Variants in PDCD2L observed in about 807,000 individuals in gnomAD.
PDCD2L encodes programmed cell death 2 like.
In PDCD2L, 44 loss-of-function variants were observed where a neutral mutation model predicts 40.4. The observed-to-expected ratio is 1.09, with a 90% CI of 0.86 to 1.40. The LOEUF is 1.40. Ranked by LOEUF, PDCD2L falls within the 40% of genes most tolerant of loss-of-function variation. The pLI is 0.00. For missense variants in PDCD2L, 470 were observed against 453.7 expected (o/e 1.04, Z -0.33); for synonymous variants, 194 against 174.6 (o/e 1.11, Z -0.88).
chr19:34,407,459 C>T (rs2075082056), intron 3 of PDCD2L, among the ~76,000 whole-genome samples: 1 of 152,120 alleles, frequency 6.6e-6, no homozygotes, highest in Admixed American at 6.6e-5. Flanking sequence ...TCTTTAACCA[C>T]CACTCTACTC....
chr19:34,404,864 G>T (rs374816557), intron 2 of PDCD2L, 49 bp downstream of exon 2: 5 of 1,609,012 alleles, frequency 3.1e-6, no homozygotes, highest in Admixed American at 1.7e-5. Flanking sequence ...TTTCCAGCGG[G>T]CTGGGGCGGG....
intron 4 of PDCD2L, among the ~76,000 whole-genome samples, chr19:34,411,766 T>G (rs945009253): frequency 4.0e-5 from 6 of 151,782 alleles, no homozygotes; most frequent in African/African-American, 1.5e-4. Flanking sequence ...ATGATCCTCC[T>G]GCCTCAGCCT....
intron 5 of PDCD2L, among the ~76,000 whole-genome samples, chr19:34,415,962 C>T (rs2075124761): frequency 6.6e-6 from 1 of 152,186 alleles, no homozygotes; most frequent in South Asian, 2.1e-4. Context: ...TCTCTGTCCC[C>T]CAGGCTGGAG....
Position 34,404,915 on chromosome 19 carries a change from G to A in PDCD2L, c.276-15G>A. The A allele has an allele frequency of 1.2e-6, 2 of 1,614,032 alleles. No individual in the cohort carries two copies. Among genetic ancestry groups the A allele is most frequent in the South Asian group, 2.2e-5 (2 of 91,080 alleles). On this transcript the variant is annotated splice_polypyrimidine_tract_variant and intron_variant, in intron 2 of 6. Transcript: ENST00000246535. ...CGGGGTGCAGCCCTCACGGCCCTTT[G>A]TCTTCACCCCGAAGCTGGAAGGTGT...
intron 6 of PDCD2L, among the ~76,000 whole-genome samples, chr19:34,423,476 G>T (rs1261247217): frequency 1.3e-5 from 2 of 149,674 alleles, no homozygotes; most frequent in African/African-American, 4.9e-5. Context: ...GAGCCACCGT[G>T]CCTGGACCCA....
intron 3 of PDCD2L, among the ~76,000 whole-genome samples, chr19:34,407,059 A>G (rs2075079919): frequency 6.9e-6 from 1 of 143,898 alleles, no homozygotes; most frequent in Non-Finnish European, 1.5e-5. Context: ...CTGGTCTTGA[A>G]CTCCTGACCT....
At position 34,421,451 on chromosome 19, in the gene PDCD2L, C is replaced by T. The variant is rs1167272690; in HGVS notation, c.798-68C>T. 5.2e-6 allele frequency: 8 copies of T among 1,552,016 alleles called. No individual in the cohort carries two copies. The East Asian group carries it at 6.8e-5, about 13-fold the overall frequency. On this transcript the variant is annotated intron_variant, in intron 5 of 6. Coordinates refer to ENST00000246535, the MANE Select transcript of PDCD2L (RefSeq NM_032346.2). ...CAAGAAACAAAGAAAGGTTGCAAAG[C>T]ATGGCCTTAGATGCTAGAATGCGAC...
chr19:34,411,907 G>T (rs2075105112), intron 4 of PDCD2L, among the ~76,000 whole-genome samples: 1 of 146,578 alleles, frequency 6.8e-6, no homozygotes, highest in South Asian at 2.1e-4. Flanking sequence ...CACTCTCCTT[G>T]GCCTCCCAAA....
chr19:34,425,337 A>G (rs1219101656), intron 6 of PDCD2L, among the ~76,000 whole-genome samples: 1 of 138,566 alleles, frequency 7.2e-6, no homozygotes, highest in East Asian at 2.1e-4. Context: ...GTCTCGCTCT[A>G]TCACCCGGGC....
Position 34,404,814 on chromosome 19 carries a change from A to G in PDCD2L, c.274A>G (p.Ser92Gly). The G allele has an allele frequency of 6.2e-7, 1 of 1,603,358 alleles. No individual in the cohort carries two copies. Among genetic ancestry groups the G allele is most frequent in the South Asian group, 1.1e-5 (1 of 90,166 alleles). ...CPGCSTGGAR[S>G]WKVFRSQCLQ... ...CGGCTGTAGCACCGGCGGTGCGCGC[A>G]GGTAGGCGGGGAAGTCCCAGAGCTG... The change falls in exon 2 of 7, where the codon AGC becomes GGC. Residue 92 changes from serine to glycine, a missense_variant and splice_region_variant. Ser to Gly is a moderately conservative substitution (Grantham distance 56). Transcript: ENST00000246535.
At chr19:34,411,198 C>T (rs1247463598) in intron 4 of PDCD2L, among the ~76,000 whole-genome samples, 12 of 84,716 alleles carry the variant, frequency 1.4e-4, no homozygotes, top group South Asian at 4.0e-4. Context: ...TGGGATCTTG[C>T]TTTGTTTCCC....
intron 5 of PDCD2L, among the ~76,000 whole-genome samples, chr19:34,417,927 C>T (rs1400625399): frequency 6.6e-6 from 1 of 152,096 alleles, no homozygotes; most frequent in Non-Finnish European, 1.5e-5. Context: ...AGAAACCTAG[C>T]CTGGTGGTGG....
intron 6 of PDCD2L, among the ~76,000 whole-genome samples, chr19:34,424,049 CT>C (rs1314782045): frequency 6.6e-6 from 1 of 151,868 alleles, no homozygotes; most frequent in Non-Finnish European, 1.5e-5. Flanking sequence ...TTTTCAGAAC[CT>C]TGTATAGACC....
intron 4 of PDCD2L, among the ~76,000 whole-genome samples, chr19:34,411,257 T>C (rs1009719156): frequency 6.7e-6 from 1 of 148,630 alleles, no homozygotes; most frequent in Non-Finnish European, 1.5e-5. Context: ...TTTTTTTTTT[T>C]TTGAGACAGT....
rs1402523755 is a variant in PDCD2L, at chr19:34,404,934, A to T, written c.280A>T (p.Lys94Ter). The T allele has an allele frequency of 1.9e-6, 3 of 1,613,936 alleles. No homozygotes were observed. The African/African-American group carries it at 4.0e-5, about 22-fold the overall frequency. ...GCSTGGARSW[K>*]VFRSQCLQVP... Reference sequence around the variant, plus strand: ...CCCTTTGTCTTCACCCCGAAGCTGGAAGGTGTTCCGCTCCCAGTGCCTGCA... The same window carrying T: ...CCCTTTGTCTTCACCCCGAAGCTGGTAGGTGTTCCGCTCCCAGTGCCTGCA... The change falls in exon 3 of 7, where the codon AAG (lysine) becomes TAG (stop). Residue 94 changes from lysine to a stop codon, truncating the protein, a stop_gained. Coordinates refer to ENST00000246535, the MANE Select transcript of PDCD2L (RefSeq NM_032346.2). LOFTEE classifies it high-confidence loss of function.
chr19:34,415,577 G>A (rs1044258368), intron 5 of PDCD2L, among the ~76,000 whole-genome samples: 2 of 152,048 alleles, frequency 1.3e-5, no homozygotes, highest in African/African-American at 4.8e-5. Flanking sequence ...AGACAAAGTG[G>A]GCAGAATTAG....
intron 4 of PDCD2L, among the ~76,000 whole-genome samples, 188 bp downstream of exon 4, chr19:34,409,698 G>A (rs556352425): frequency 7.2e-5 from 11 of 152,120 alleles, no homozygotes; most frequent in Admixed American, 6.5e-4. Context: ...TATAATTGCC[G>A]TTAAGAAAGT....
At position 34,404,941 on chromosome 19, in the gene PDCD2L, T is replaced by TC. The variant is rs761331362; in HGVS notation, c.289dup (p.Arg97ProfsTer25). 1 of 1,614,114 alleles carries TC rather than the reference T, an allele frequency of 6.2e-7. No individual in the cohort carries two copies. Among genetic ancestry groups the TC allele is most frequent in the South Asian group, 1.1e-5 (1 of 91,084 alleles). Reference sequence around the variant, plus strand: ...TCTTCACCCCGAAGCTGGAAGGTGTTCCGCTCCCAGTGCCTGCAGGTGCCA... The same window carrying TC: ...TCTTCACCCCGAAGCTGGAAGGTGTTCCCGCTCCCAGTGCCTGCAGGTGCCA... On this transcript the variant is annotated frameshift_variant, in exon 3 of 7. Coordinates refer to ENST00000246535, the MANE Select transcript of PDCD2L (RefSeq NM_032346.2). LOFTEE classifies it high-confidence loss of function.
intron 5 of PDCD2L, among the ~76,000 whole-genome samples, chr19:34,415,160 A>G (rs1484229444): frequency 6.6e-6 from 1 of 151,300 alleles, no homozygotes; most frequent in African/African-American, 2.4e-5. Context: ...TCGCCCTGCC[A>G]CCCAGGCTGG....
Sources: gnomAD v4.1 joint callset for allele counts (sites outside exome capture counted in the v4.1 genomes callset) on GRCh38, gnomAD v4.1.1 for gene constraint, MANE v1.5 for transcripts, NCBI Gene and HGNC (gene_info 2026-07-23, HGNC 2026-07-21) for gene names.